Variants in STAU2 observed in about 807,000 individuals in gnomAD.
STAU2 encodes double-stranded RNA-binding protein Staufen homolog 2.
A neutral mutation model predicts 65.9 loss-of-function variants in STAU2; 20 were observed. The ratio of observed to expected loss-of-function variants is 0.30; its 90% CI spans 0.21 to 0.44. The LOEUF (loss-of-function observed/expected upper bound fraction) is 0.44, where lower values mean the gene tolerates loss of function less well. STAU2 is among the 20% of genes least tolerant of loss of function. The probability of loss-of-function intolerance (pLI) is 1.00; values close to 1 mark genes in which losing one functional copy is unlikely to be tolerated. For missense variants in STAU2, 558 were observed against 683.9 expected (o/e 0.82, Z 2.05); for synonymous variants, 232 against 233.9 (o/e 0.99, Z 0.07).
At chr8:73,637,477 TAAAAAA>T (rs60833468) in intron 6 of STAU2, among the ~76,000 whole-genome samples, 2 of 57,086 alleles carry the variant, frequency 3.5e-5, no homozygotes, top group African/African-American at 1.5e-4. Context: ...GTGCTGAAAG[TAAAAAA>T]AAAAAAAAAA....
intron 12 of STAU2, among the ~76,000 whole-genome samples, chr8:73,571,095 C>A (rs1344699931): frequency 2.0e-5 from 3 of 152,148 alleles, no homozygotes; most frequent in African/African-American, 7.2e-5. Flanking sequence ...GGGTTGCAAT[C>A]CTAGTCTCTG....
Position 73,603,823 on chromosome 8 carries a change from C to T in STAU2, c.932G>A (p.Arg311His), listed in dbSNP as rs764160764. 34 of 1,611,912 alleles carry T rather than the reference C, an allele frequency of 2.1e-5. No individual in the cohort carries two copies. The highest frequency in any genetic ancestry group is 2.0e-4 in the East Asian group (9 of 44,886). Residue 311 changes from arginine (R) to histidine (H), a missense_variant, in exon 10 of 15, where the codon CGC (arginine) becomes CAC (histidine). Arg to His is a conservative substitution (Grantham distance 29). Coordinates refer to ENST00000524300, the MANE Select transcript of STAU2 (RefSeq NM_001164380.2). ...EYGQGMNPIS[R>H]LAQIQQAKKE... ...TTTGGCCTGTTGAATTTGCGCCAGG[C>T]GGCTAATAGGGTTCATCCCTTGGCC...
chr8:73,512,773 G>A (rs1169517116), intron 13 of STAU2, among the ~76,000 whole-genome samples: 2 of 152,118 alleles, frequency 1.3e-5, no homozygotes, highest in Admixed American at 1.3e-4. Flanking sequence ...TGAAGTTTAT[G>A]GGTGTGGGTT....
In STAU2 at chr8:73,686,948, A is replaced by G. The variant is rs543000515; in HGVS notation, c.274+1706T>C. Among the ~76,000 whole-genome samples the G allele has an allele frequency of 1.6e-4, 24 of 145,974 alleles. No homozygotes were observed. The East Asian group carries it at 4.2e-3, about 26-fold the overall frequency. On this transcript the variant is annotated intron_variant, in intron 5 of 14. Transcript: ENST00000524300. ...TGCTCTGTCGCCCAGGCTGGAGTGT[A>G]GTGGCGTGATCTCGGCTCACTGAAA...
At chr8:73,466,175 C>T (rs1318217640) in intron 13 of STAU2, among the ~76,000 whole-genome samples, 2 of 152,162 alleles carry the variant, frequency 1.3e-5, no homozygotes, top group Non-Finnish European at 2.9e-5. Context: ...AAATGGAAAC[C>T]CATACATTAC....
intron 7 of STAU2, 64 bp from the exon 8 acceptor site, chr8:73,615,846 A>C: frequency 8.1e-7 from 1 of 1,228,088 alleles, no homozygotes; most frequent in Non-Finnish European, 1.2e-6. Flanking sequence ...CTTTTATTCT[A>C]CAGTCAAGAT....
At chr8:73,674,665 C>T (rs971614500) in intron 5 of STAU2, among the ~76,000 whole-genome samples, 8 of 150,160 alleles carry the variant, frequency 5.3e-5, no homozygotes, top group Non-Finnish European at 8.9e-5. Flanking sequence ...GTAATATTGG[C>T]GTCCCTGTCT....
chr8:73,462,420 G>A (rs1054318587), intron 13 of STAU2, among the ~76,000 whole-genome samples: 7 of 149,848 alleles, frequency 4.7e-5, no homozygotes, highest in African/African-American at 1.7e-4. Context: ...TTTTTTGACA[G>A]GGTCTCGCTC....
intron 13 of STAU2, among the ~76,000 whole-genome samples, chr8:73,548,138 AT>A (rs1293893790): frequency 2.0e-5 from 3 of 151,880 alleles, no homozygotes; most frequent in Non-Finnish European, 2.9e-5. Context: ...AGACAACTAT[AT>A]TCCTAAATGT....
chr8:73,488,868 A>T (rs1470449888), intron 13 of STAU2, among the ~76,000 whole-genome samples: 1 of 151,994 alleles, frequency 6.6e-6, no homozygotes, highest in African/African-American at 2.4e-5. Flanking sequence ...ATTGTGGGTC[A>T]GAGGAATTAA....
chr8:73,431,188 A>G (rs1424741278), intron 13 of STAU2, among the ~76,000 whole-genome samples: 1 of 152,254 alleles, frequency 6.6e-6, no homozygotes, highest in African/African-American at 2.4e-5. Context: ...AGAACGCTCC[A>G]TAAGTCTTTG....
intron 1 of STAU2, among the ~76,000 whole-genome samples, chr8:73,746,534 A>C (rs1446298193): frequency 3.1e-4 from 26 of 83,368 alleles, no homozygotes; most frequent in South Asian, 5.2e-4. Flanking sequence ...CCCCTCCACC[A>C]CACACGCACC....
chr8:73,630,133 A>C (rs925715412), intron 6 of STAU2, among the ~76,000 whole-genome samples: 7 of 152,238 alleles, frequency 4.6e-5, no homozygotes, highest in Admixed American at 1.3e-4. Context: ...ATTTTCAGTC[A>C]TTTTAAATTA....
chr8:73,667,099 T>A lies in STAU2; in HGVS notation c.410+6008A>T, dbSNP rs567791770. Among the ~76,000 whole-genome samples, 47 of 152,298 alleles carry A rather than the reference T, an allele frequency of 3.1e-4. No individual in the cohort carries two copies. In the South Asian group the frequency reaches 9.1e-3, roughly 30 times the overall value. On this transcript the variant is annotated intron_variant, in intron 6 of 14. Coordinates refer to ENST00000524300, the MANE Select transcript of STAU2 (RefSeq NM_001164380.2). ...CTAGCCATCCAAATATCTGAAGTTATCCTTAATACCCCAAATGCAATCAAG... is the reference window on the plus strand; with the variant it reads ...CTAGCCATCCAAATATCTGAAGTTAACCTTAATACCCCAAATGCAATCAAG...
chr8:73,442,684 A>G (rs1305803615), intron 13 of STAU2, among the ~76,000 whole-genome samples: 1 of 152,218 alleles, frequency 6.6e-6, no homozygotes, highest in African/African-American at 2.4e-5. Context: ...AGCCAAACAC[A>G]GTTTTTTCTA....
intron 13 of STAU2, among the ~76,000 whole-genome samples, chr8:73,476,529 C>T (rs139631205): frequency 2.0e-5 from 3 of 152,216 alleles, no homozygotes; most frequent in African/African-American, 7.2e-5. Context: ...TGTATTATGA[C>T]CCTTATCAGA....
At chr8:73,741,304 C>CAA (rs761906073) in intron 1 of STAU2, among the ~76,000 whole-genome samples, 4 of 112,102 alleles carry the variant, frequency 3.6e-5, no homozygotes, top group East Asian at 3.0e-4. Flanking sequence ...GACTCCGTCT[C>CAA]AAAAAAAAAA....
At chr8:73,611,782 G>A (rs1339028973) in intron 9 of STAU2, among the ~76,000 whole-genome samples, 4 of 151,892 alleles carry the variant, frequency 2.6e-5, no homozygotes, top group African/African-American at 9.7e-5. Context: ...AGGTTCAAGC[G>A]ATTCTCATGC....
chr8:73,579,885 C>A (rs960922014), intron 12 of STAU2, among the ~76,000 whole-genome samples: 3 of 152,196 alleles, frequency 2.0e-5, no homozygotes, highest in African/African-American at 7.2e-5. Flanking sequence ...CAATCACTTG[C>A]AAAACCATTT....
Sources: gnomAD v4.1 joint callset for allele counts (sites outside exome capture counted in the v4.1 genomes callset) on GRCh38, gnomAD v4.1.1 for gene constraint, MANE v1.5 for transcripts, NCBI Gene and HGNC (gene_info 2026-07-23, HGNC 2026-07-21) for gene names.